Variants in SPHKAP observed in about 807,000 individuals in gnomAD.
The protein encoded by SPHKAP is A-kinase anchor protein SPHKAP.
A neutral mutation model predicts 137.5 loss-of-function variants in SPHKAP; 67 were observed. That is an observed-to-expected ratio of 0.49 (90% confidence interval 0.40 to 0.60). The LOEUF (loss-of-function observed/expected upper bound fraction) is 0.60. SPHKAP is among the 20% of genes least tolerant of loss of function. The pLI, the probability that SPHKAP is intolerant of heterozygous loss-of-function variation, is 0.00. For synonymous variants in SPHKAP, 813 were observed against 785.3 expected (o/e 1.04, Z -0.59); for missense variants, 2,097 against 2,069.3 (o/e 1.01, Z -0.26).
chr2:228,094,501 C>T lies in SPHKAP; in HGVS notation c.246+14331G>A, dbSNP rs112237639. 5.5e-3 allele frequency among the ~76,000 whole-genome samples: 841 copies of T among 152,290 alleles called. 10 individuals carry two copies. Among genetic ancestry groups the T allele is most frequent in the African/African-American group, 0.019 (801 of 41,576 alleles). On this transcript the variant is annotated intron_variant, in intron 3 of 11. Coordinates refer to ENST00000392056, the MANE Select transcript of SPHKAP (RefSeq NM_001142644.2). ...GTTTAGCATATGGTGCAAATACATT[C>T]ACCAGTTGATATTTTATTTTGGTCC...
intron 3 of SPHKAP, among the ~76,000 whole-genome samples, chr2:228,078,877 C>T (rs1462314117): frequency 6.6e-6 from 1 of 152,096 alleles, no homozygotes; most frequent in Non-Finnish European, 1.5e-5. Context: ...AGTAAAACCC[C>T]CACAGCCCCA....
At chr2:228,002,457 C>G (rs1449640421) in intron 7 of SPHKAP, among the ~76,000 whole-genome samples, 4 of 152,062 alleles carry the variant, frequency 2.6e-5, no homozygotes, top group East Asian at 1.9e-4. Flanking sequence ...TTTGTAGATT[C>G]TGGATATTAG....
At chr2:228,158,159 T>TCAG (rs1700164338) in intron 1 of SPHKAP, among the ~76,000 whole-genome samples, 1 of 152,182 alleles carries the variant, frequency 6.6e-6, no homozygotes, top group African/African-American at 2.4e-5. Context: ...GTGAAATTCA[T>TCAG]CAGCATTCTG....
At chr2:227,992,789 G>A (rs1693462622) in intron 9 of SPHKAP, among the ~76,000 whole-genome samples, 2 of 152,114 alleles carry the variant, frequency 1.3e-5, no homozygotes, top group Non-Finnish European at 2.9e-5. Flanking sequence ...TGAGAAAATA[G>A]GTCAGGGAAC....
chr2:228,033,951 A>G (rs186772716), intron 3 of SPHKAP, among the ~76,000 whole-genome samples: 4 of 152,348 alleles, frequency 2.6e-5, no homozygotes, highest in East Asian at 3.9e-4. Flanking sequence ...TCGACACCCT[A>G]ACGTCACAAT....
At chr2:228,040,984 A>G (rs1695818389) in intron 3 of SPHKAP, among the ~76,000 whole-genome samples, 1 of 152,258 alleles carries the variant, frequency 6.6e-6, no homozygotes, top group Non-Finnish European at 1.5e-5. Context: ...AGAAAACTAA[A>G]GAATCAGTAG....
intron 3 of SPHKAP, among the ~76,000 whole-genome samples, chr2:228,057,867 C>T (rs1574808510): frequency 6.6e-6 from 1 of 152,008 alleles, no homozygotes; most frequent in Non-Finnish European, 1.5e-5. Context: ...AGAAGAAAGG[C>T]CCCATCGGTC....
chr2:227,988,133 A>G (rs1354593493), intron 11 of SPHKAP, among the ~76,000 whole-genome samples: 3 of 152,194 alleles, frequency 2.0e-5, no homozygotes, highest in South Asian at 2.1e-4. Context: ...AAGGTCCCCA[A>G]AAGTACTATT....
At position 228,018,271 on chromosome 2, in the gene SPHKAP, C is replaced by T. The variant is rs1559349684; in HGVS notation, c.2583G>A (p.Arg861=). The change falls in exon 7 of 12, where the codon AGG becomes AGA. Residue 861 remains arginine, a synonymous_variant. Coordinates refer to ENST00000392056, the MANE Select transcript of SPHKAP (RefSeq NM_001142644.2). The stretch of plus-strand genomic sequence containing the variant: ...TTCTGGACTGGCTGACCGTTGGGGA[C>T]CTTTGTCCTTCGGAAGAGGCTCTGC... ...NECRASSEGQ[R]SPTVSQSRSG... 3 of 1,614,154 alleles carry T rather than the reference C, an allele frequency of 1.9e-6. No individual in the cohort carries two copies. Among genetic ancestry groups the T allele is most frequent in the Non-Finnish European group, 1.7e-6 (2 of 1,180,030 alleles).
intron 1 of SPHKAP, among the ~76,000 whole-genome samples, chr2:228,140,700 G>T (rs1246451246): frequency 2.0e-5 from 3 of 152,072 alleles, no homozygotes; most frequent in African/African-American, 4.8e-5. Flanking sequence ...TGGATCATGG[G>T]GGGGTGGATT....
intron 3 of SPHKAP, among the ~76,000 whole-genome samples, chr2:228,077,098 G>A (rs187090838): frequency 9.1e-4 from 139 of 152,332 alleles, no homozygotes; most frequent in African/African-American, 3.2e-3. Flanking sequence ...TGTTGAGTCT[G>A]TGAGTGCACA....
intron 3 of SPHKAP, among the ~76,000 whole-genome samples, chr2:228,103,605 TTGCTCAGGTAACTCTTGA>T (rs1218771295): frequency 6.6e-6 from 1 of 152,206 alleles, no homozygotes; most frequent in Non-Finnish European, 1.5e-5. Context: ...AGCCTGCTGC[TTGCTCAGGTAACTCTTGA>T]TGCTTAAACT....
At chr2:227,993,683 G>C (rs1693509563) in intron 8 of SPHKAP, 63 bp from the exon 9 acceptor site, 3 of 1,401,482 alleles carry the variant, frequency 2.1e-6, no homozygotes, top group Admixed American at 2.0e-5. Flanking sequence ...TGCTGACAGT[G>C]ATGTTCCATT....
chr2:227,993,642 T>C, intron 8 of SPHKAP, 22 bp from the exon 9 acceptor site: 1 of 1,559,558 alleles, frequency 6.4e-7, no homozygotes, highest in Non-Finnish European at 8.7e-7. Context: ...AAAGTTTACA[T>C]ATTAATGCCC....
chr2:228,074,774 T>G (rs562743948), intron 3 of SPHKAP, among the ~76,000 whole-genome samples: 19 of 152,184 alleles, frequency 1.2e-4, no homozygotes, highest in Non-Finnish European at 2.5e-4. Context: ...CCTTCTGCCC[T>G]CCTTCCTTTG....
At chr2:228,027,354 T>C in intron 4 of SPHKAP, 130 bp downstream of exon 4, 5 of 933,004 alleles carry the variant, frequency 5.4e-6, no homozygotes, top group Non-Finnish European at 8.2e-6. Flanking sequence ...AGGGAAAGGG[T>C]CGGGGAAATG....
intron 7 of SPHKAP, among the ~76,000 whole-genome samples, chr2:228,004,474 T>G (rs1271802054): frequency 6.6e-6 from 1 of 152,230 alleles, no homozygotes; most frequent in East Asian, 1.9e-4. Context: ...TTGCTAGCGG[T>G]CTATCAATTT....
rs1468618967 is a variant in SPHKAP at position 228,075,852 on chromosome 2, G to A, written c.246+32980C>T. Among the ~76,000 whole-genome samples the A allele has an allele frequency of 1.3e-5, 2 of 152,170 alleles. 1 individual carries two copies. Among genetic ancestry groups the A allele is most frequent in the Admixed American group, 1.3e-4 (2 of 15,276 alleles). Reference sequence around the variant, plus strand: ...TATACAAAATTGTTATGAAAAGGTTGTTTTGATAAAAATTTCAAAACAAAT... The same window carrying A: ...TATACAAAATTGTTATGAAAAGGTTATTTTGATAAAAATTTCAAAACAAAT... On this transcript the variant is annotated intron_variant, in intron 3 of 11. Coordinates refer to ENST00000392056, the MANE Select transcript of SPHKAP (RefSeq NM_001142644.2).
intron 3 of SPHKAP, among the ~76,000 whole-genome samples, chr2:228,086,729 G>A (rs1365221504): frequency 2.0e-5 from 3 of 152,192 alleles, no homozygotes; most frequent in Non-Finnish European, 4.4e-5. Flanking sequence ...AAGATAGTCT[G>A]TGAAAGAGAT....
Sources: allele counts gnomAD v4.1 joint callset (sites outside exome capture counted in the v4.1 genomes callset), GRCh38; gene constraint gnomAD v4.1.1; transcripts MANE v1.5; gene names NCBI Gene and HGNC (gene_info 2026-07-23, HGNC 2026-07-21).